Variants in CUX1 observed in about 807,000 individuals in gnomAD.
The protein encoded by CUX1 is cut like homeobox 1.
A neutral mutation model predicts 158.8 loss-of-function variants in CUX1; 31 were observed. The ratio of observed to expected loss-of-function variants is 0.20; its 90% CI spans 0.15 to 0.26. CUX1 has a LOEUF of 0.26. CUX1 is among the 10% of genes least tolerant of loss of function. The probability of loss-of-function intolerance (pLI) is 1.00; values close to 1 mark genes in which losing one functional copy is unlikely to be tolerated. For missense variants in CUX1, 1,589 were observed against 2,014.6 expected, an observed-to-expected ratio of 0.79 and a Z score of 4.04; for synonymous variants, 879 against 862.1, an observed-to-expected ratio of 1.02 and a Z score of -0.34.
At chr7:102,012,651 T>C (rs894689399) in intron 2 of CUX1, among the ~76,000 whole-genome samples, 3 of 150,554 alleles carry the variant, frequency 2.0e-5, no homozygotes, top group Non-Finnish European at 4.4e-5. Context: ...TGGCCCTGGC[T>C]GCTTCCAGAA....
chr7:102,211,665 A>G (rs1796538732), intron 20 of CUX1, among the ~76,000 whole-genome samples: 1 of 151,264 alleles, frequency 6.6e-6, no homozygotes, highest in Non-Finnish European at 1.5e-5. Context: ...CCTGTAATCC[A>G]GCTCCTTGGG....
rs572793642 is a variant in CUX1 at position 102,017,828 on chromosome 7, C to T, written c.142-10270C>T. 1.2e-4 allele frequency among the ~76,000 whole-genome samples: 18 copies of T among 152,334 alleles called. No individual in the cohort carries two copies. The South Asian group carries it at 3.3e-3, about 28-fold the overall frequency. On this transcript the variant is annotated intron_variant, in intron 2 of 23. Transcript: ENST00000292535. ...CACCACTGCACTCCAGCCTGGGCAA[C>T]AGAGCGAGACTCTGTCTCAGAAAAA...
intron 1 of CUX1, among the ~76,000 whole-genome samples, chr7:101,879,360 A>G (rs1237679079): frequency 6.6e-6 from 1 of 151,384 alleles, no homozygotes; most frequent in African/African-American, 2.4e-5. Flanking sequence ...AGAGTGGTCT[A>G]CTCTAAAAAT....
chr7:102,081,263 A>G (rs1827358842), intron 4 of CUX1, among the ~76,000 whole-genome samples: 1 of 148,122 alleles, frequency 6.8e-6, no homozygotes, highest in Non-Finnish European at 1.5e-5. Context: ...ATTTCCCCCC[A>G]CGTGCTCCCA....
At position 102,170,495 on chromosome 7, in the gene CUX1, C is replaced by T. The variant is rs189334175; in HGVS notation, c.773C>T (p.Ser258Leu). Residue 258 changes from serine (S) to leucine (L), a missense_variant, in exon 10 of 24, where the codon TCA (serine) becomes TTA (leucine). Around this residue, in one of 8 missense-constraint regions of CUX1, gnomAD observed 515 missense variants for 574.4 expected, o/e 0.90. Transcript: ENST00000292535. ...GCGGAGACCTTAAGGGAACAGCTCT[C>T]ATCGGCCAATCACTCCCTCCAGCTG... ...REAETLREQL[S>L]SANHSLQLAS... The T allele has an allele frequency of 4.4e-6, 7 of 1,594,064 alleles. No homozygotes were observed. In the African/African-American group the frequency reaches 9.4e-5, roughly 21 times the overall value.
At chr7:101,910,103 T>C (rs1468209673) in intron 1 of CUX1, among the ~76,000 whole-genome samples, 1 of 152,046 alleles carries the variant, frequency 6.6e-6, no homozygotes, top group Non-Finnish European at 1.5e-5. Context: ...GTATTTTTAG[T>C]AGAGATGGGG....
At chr7:102,163,990 T>G (rs1790741299) in intron 9 of CUX1, among the ~76,000 whole-genome samples, 1 of 152,212 alleles carries the variant, frequency 6.6e-6, no homozygotes, top group East Asian at 1.9e-4. Flanking sequence ...CATTCACACC[T>G]GTTTGTTGAA....
intron 1 of CUX1, among the ~76,000 whole-genome samples, chr7:101,904,151 T>C (rs928584465): frequency 4.9e-4 from 60 of 121,222 alleles, no homozygotes; most frequent in Admixed American, 1.5e-3. Flanking sequence ...CACACACACA[T>C]TAGCTGGACA....
chr7:101,977,831 A>T (rs1812904412), intron 2 of CUX1, among the ~76,000 whole-genome samples: 1 of 152,168 alleles, frequency 6.6e-6, no homozygotes, highest in South Asian at 2.1e-4. Flanking sequence ...AGAACTAGGA[A>T]TTTCAAGCTG....
rs369833653 is a variant in CUX1, at chr7:102,255,401, CAAAAAA to C, written c.*6364_*6369del. On this transcript the variant is annotated 3_prime_UTR_variant, in exon 24 of 24. Transcript: ENST00000292535. ...GAAAAATCCCAAAAAAAAAAAAAGA[CAAAAAA>C]AAAAGGCTGGCGAGAGAAAGACATT... 7 of 903,302 alleles carry C rather than the reference CAAAAAA, an allele frequency of 7.7e-6. No individual in the cohort carries two copies. The highest frequency in any genetic ancestry group is 2.0e-5 in the African/African-American group (1 of 49,186). 56.0% of individuals were successfully genotyped at this position (903,302 alleles called of 1,614,324 possible).
chr7:101,985,210 A>G (rs1187817389), intron 2 of CUX1, among the ~76,000 whole-genome samples: 1 of 152,176 alleles, frequency 6.6e-6, no homozygotes, highest in Non-Finnish European at 1.5e-5. Flanking sequence ...ATGTGTATAC[A>G]CGCTATAGTC....
At chr7:101,888,263 G>T (rs920858707) in intron 1 of CUX1, among the ~76,000 whole-genome samples, 1 of 152,058 alleles carries the variant, frequency 6.6e-6, no homozygotes, top group African/African-American at 2.4e-5. Context: ...CCCAGGAGAC[G>T]GAGGTTGTAG....
intron 2 of CUX1, among the ~76,000 whole-genome samples, chr7:102,003,004 C>G (rs1218267789): frequency 6.6e-6 from 1 of 152,092 alleles, no homozygotes; most frequent in Non-Finnish European, 1.5e-5. Context: ...TGGGTTCAAG[C>G]AATTCTCCTG....
intron 1 of CUX1, among the ~76,000 whole-genome samples, chr7:101,838,973 G>A (rs1380935710): frequency 6.6e-6 from 1 of 152,202 alleles, no homozygotes; most frequent in Non-Finnish European, 1.5e-5. Context: ...GTGGTTCCTG[G>A]TGCGGGCCCT....
intron 2 of CUX1, among the ~76,000 whole-genome samples, chr7:101,943,561 C>T (rs954547359): frequency 6.6e-6 from 1 of 152,110 alleles, no homozygotes; most frequent in East Asian, 1.9e-4. Flanking sequence ...GGGCTCTTTT[C>T]AGTATCACAT....
At chr7:102,232,492 C>G (rs1402834394) in intron 21 of CUX1, among the ~76,000 whole-genome samples, 2 of 152,062 alleles carry the variant, frequency 1.3e-5, no homozygotes, top group Non-Finnish European at 2.9e-5. Flanking sequence ...GTCTCCCTGC[C>G]CCGGATGGGG....
At chr7:101,821,852 T>G (rs1377365207) in intron 1 of CUX1, among the ~76,000 whole-genome samples, 41 of 138,694 alleles carry the variant, frequency 3.0e-4, no homozygotes, top group Admixed American at 3.5e-4. Context: ...TTTTTTTGTT[T>G]TTTTGTTTTT....
At chr7:102,176,685 C>A (rs1476872375) in intron 10 of CUX1, among the ~76,000 whole-genome samples, 2 of 151,710 alleles carry the variant, frequency 1.3e-5, no homozygotes, top group Non-Finnish European at 2.9e-5. Context: ...AATCCTCCCG[C>A]CCCAGCCTCC....
intron 19 of CUX1, 133 bp from the exon 20 acceptor site, chr7:102,204,981 G>T (rs1006656843): frequency 3.0e-6 from 2 of 660,294 alleles, no homozygotes; most frequent in Non-Finnish European, 5.3e-6. Context: ...GCGCCTCCCC[G>T]GCCCGTGGGT....
Sources: allele counts gnomAD v4.1 joint callset (sites outside exome capture counted in the v4.1 genomes callset), GRCh38; gene constraint gnomAD v4.1.1; regional missense constraint gnomAD v4.1.1; transcripts MANE v1.5; gene names NCBI Gene and HGNC (gene_info 2026-07-23, HGNC 2026-07-21).